Variants in NYAP2 observed in about 807,000 individuals in gnomAD.
NYAP2 encodes neuronal tyrosine-phosphorylated phosphoinositide-3-kinase adapter 2.
A neutral mutation model predicts 50.4 loss-of-function variants in NYAP2; 23 were observed. The observed-to-expected ratio is 0.46, with a 90% CI of 0.33 to 0.65. The LOEUF (loss-of-function observed/expected upper bound fraction) is 0.65. NYAP2 is among the 30% of genes least tolerant of loss of function. The pLI, the probability that NYAP2 is intolerant of heterozygous loss-of-function variation, is 0.02. For synonymous variants in NYAP2, 394 were observed against 365.2 expected (o/e 1.08, Z -0.90); for missense variants, 885 against 861.0 (o/e 1.03, Z -0.35).
At chr2:225,431,074 T>A (rs1260773603) in intron 3 of NYAP2, among the ~76,000 whole-genome samples, 1 of 152,244 alleles carries the variant, frequency 6.6e-6, no homozygotes, top group African/African-American at 2.4e-5. Flanking sequence ...TGGTTTGACT[T>A]ACATTAAACA....
chr2:225,608,398 TC>T (rs1014754583), intron 5 of NYAP2, among the ~76,000 whole-genome samples: 17 of 152,118 alleles, frequency 1.1e-4, no homozygotes, highest in African/African-American at 4.1e-4. Flanking sequence ...CTGGTGCCTC[TC>T]ATACACCTCT....
At chr2:225,530,017 T>A (rs547920191) in intron 4 of NYAP2, among the ~76,000 whole-genome samples, 2 of 152,318 alleles carry the variant, frequency 1.3e-5, no homozygotes, top group African/African-American at 4.8e-5. Context: ...TCAGTCAGTA[T>A]TTTTTTAGAG....
the NYAP2 span, among the ~76,000 whole-genome samples, chr2:225,675,767 T>C: frequency 5.3e-5 from 8 of 152,308 alleles, no homozygotes; most frequent in Admixed American, 2.6e-4. Context: ...ACCAACCATG[T>C]ATAAGCATTC....
At chr2:225,585,084 A>G (rs904808834) in intron 5 of NYAP2, among the ~76,000 whole-genome samples, 1 of 152,246 alleles carries the variant, frequency 6.6e-6, no homozygotes, top group Admixed American at 6.5e-5. Flanking sequence ...TACAATGTCA[A>G]TAGTGCCAAG....
At chr2:225,643,617 C>T in intron 6 of NYAP2, among the ~76,000 whole-genome samples, 1 of 150,318 alleles carries the variant, frequency 6.7e-6, no homozygotes, top group Non-Finnish European at 1.5e-5. Flanking sequence ...CAACAGTCCC[C>T]AGAGTGTGAT....
intron 4 of NYAP2, among the ~76,000 whole-genome samples, chr2:225,521,192 C>G (rs1488032570): frequency 6.6e-6 from 1 of 151,706 alleles, no homozygotes; most frequent in African/African-American, 2.4e-5. Context: ...ATGAGGTTTT[C>G]TAGATATACA....
chr2:225,522,760 G>C (rs1025437302), intron 4 of NYAP2, among the ~76,000 whole-genome samples: 1 of 152,060 alleles, frequency 6.6e-6, no homozygotes, highest in Non-Finnish European at 1.5e-5. Context: ...ACTCTATCCA[G>C]GTCATAGAGC....
At chr2:225,508,505 A>G (rs1690750739) in intron 3 of NYAP2, among the ~76,000 whole-genome samples, 1 of 152,184 alleles carries the variant, frequency 6.6e-6, no homozygotes, top group Non-Finnish European at 1.5e-5. Context: ...TGACAGAGTT[A>G]GAAGTCTGGG....
intron 3 of NYAP2, among the ~76,000 whole-genome samples, chr2:225,504,332 C>G (rs989140303): frequency 3.3e-5 from 5 of 152,096 alleles, no homozygotes; most frequent in Admixed American, 2.0e-4. Flanking sequence ...TAATTTCATT[C>G]TGAGGGTTTT....
At chr2:225,534,469 C>T (rs1384456903) in intron 4 of NYAP2, among the ~76,000 whole-genome samples, 3 of 152,146 alleles carry the variant, frequency 2.0e-5, no homozygotes, top group Non-Finnish European at 2.9e-5. Flanking sequence ...AGATGTTTAC[C>T]TTTGAGGTGT....
chr2:225,543,869 CTAT>C (rs931642300), intron 4 of NYAP2, among the ~76,000 whole-genome samples: 25 of 152,154 alleles, frequency 1.6e-4, no homozygotes, highest in African/African-American at 5.3e-4. Flanking sequence ...AATTCTCCAG[CTAT>C]TATTGTATTA....
intron 3 of NYAP2, among the ~76,000 whole-genome samples, chr2:225,438,017 C>G (rs1487609533): frequency 1.3e-5 from 2 of 152,190 alleles, no homozygotes; most frequent in South Asian, 2.1e-4. Flanking sequence ...CCCTCTCTCT[C>G]TCTCTGAACT....
chr2:225,487,165 C>G (rs1431103936), intron 3 of NYAP2, among the ~76,000 whole-genome samples: 1 of 152,108 alleles, frequency 6.6e-6, no homozygotes, highest in Non-Finnish European at 1.5e-5. Context: ...TGCTTTGCAC[C>G]AGGAGTCAGT....
chr2:225,596,951 TA>T (rs1378037620), intron 5 of NYAP2, among the ~76,000 whole-genome samples: 3 of 152,114 alleles, frequency 2.0e-5, no homozygotes, highest in Admixed American at 1.3e-4. Context: ...AAAGTAAGAA[TA>T]AAAGTGTACC....
At chr2:225,527,702 C>T (rs1225355962) in intron 4 of NYAP2, among the ~76,000 whole-genome samples, 2 of 152,050 alleles carry the variant, frequency 1.3e-5, no homozygotes, top group African/African-American at 4.8e-5. Flanking sequence ...GGCTGGGGCA[C>T]AGTGGCATGA....
intron 4 of NYAP2, among the ~76,000 whole-genome samples, chr2:225,528,514 C>G (rs147039930): frequency 9.4e-4 from 143 of 152,254 alleles, no homozygotes; most frequent in African/African-American, 3.2e-3. Flanking sequence ...GGCCAAAGAA[C>G]TTCTAGAACA....
intron 4 of NYAP2, among the ~76,000 whole-genome samples, chr2:225,553,586 G>A (rs960714463): frequency 6.6e-6 from 1 of 152,222 alleles, no homozygotes; most frequent in African/African-American, 2.4e-5. Flanking sequence ...TTGAAAATAT[G>A]TGATTACAAT....
chr2:225,463,837 C>T (rs1048702201), intron 3 of NYAP2, among the ~76,000 whole-genome samples: 2 of 152,130 alleles, frequency 1.3e-5, no homozygotes, highest in African/African-American at 4.8e-5. Context: ...GAGCAGCATG[C>T]ACTTTGGGAA....
At chr2:225,490,568 G>A (rs189264741) in intron 3 of NYAP2, among the ~76,000 whole-genome samples, 1 of 152,116 alleles carries the variant, frequency 6.6e-6, no homozygotes, top group Non-Finnish European at 1.5e-5. Context: ...CTACAGCAAG[G>A]CCTCCTGGAT....
Sources: allele counts gnomAD v4.1 joint callset (sites outside exome capture counted in the v4.1 genomes callset), GRCh38; gene constraint gnomAD v4.1.1; transcripts MANE v1.5; gene names NCBI Gene and HGNC (gene_info 2026-07-23, HGNC 2026-07-21).